LRBA: variants seen among roughly 807,000 people sequenced by gnomAD.
The protein encoded by LRBA is lipopolysaccharide-responsive and beige-like anchor protein.
A neutral mutation model predicts 330.0 loss-of-function variants in LRBA; 176 were observed. That is an observed-to-expected ratio of 0.53 (90% CI 0.47 to 0.60). The LOEUF is 0.60. LRBA is among the 20% of genes least tolerant of loss of function. LRBA has a pLI of 0.00. For missense variants in LRBA, 3,259 were observed against 3,444.8 expected (o/e 0.95, Z 1.35); for synonymous variants, 1,230 against 1,193.0 (o/e 1.03, Z -0.64).
intron 46 of LRBA, among the ~76,000 whole-genome samples, chr4:150,428,790 T>C (rs1451594843): frequency 6.6e-6 from 1 of 152,142 alleles, no homozygotes; most frequent in African/African-American, 2.4e-5. Context: ...GGCCTTCATA[T>C]TAGACTCAAC....
chr4:150,534,315 T>G lies in LRBA; in HGVS notation c.6331-43280A>C, dbSNP rs1764382727. Among the ~76,000 whole-genome samples, 3 of 147,034 alleles carry G rather than the reference T, an allele frequency of 2.0e-5. No individual in the cohort carries two copies. In the Admixed American group the frequency reaches 2.1e-4, roughly 10 times the overall value. On this transcript the variant is annotated intron_variant, in intron 40 of 56. Transcript: ENST00000651943. ...ACATATGTAACTAACCTGCACATTG[T>G]GCACATGTACCCTAAAACTTGAAGT...
intron 18 of LRBA, 64 bp downstream of exon 18, chr4:150,872,599 T>C: frequency 9.0e-7 from 1 of 1,106,820 alleles, no homozygotes; most frequent in Non-Finnish European, 1.3e-6. Context: ...AAATTACTAC[T>C]GCAAAGATTT....
intron 40 of LRBA, among the ~76,000 whole-genome samples, chr4:150,503,854 G>C (rs569081272): frequency 6.6e-6 from 1 of 152,242 alleles, no homozygotes; most frequent in East Asian, 1.9e-4. Context: ...AAAAAAATTA[G>C]ACGAATGGAT....
Position 150,583,897 on chromosome 4 carries a change from G to A in LRBA, c.6330+4151C>T, listed in dbSNP as rs776306456. ...GTGCGAGAAACACCCACGAGAAACGGACTGGGACGAGTCGTGCCTGGGCGA... is the reference window on the plus strand; with the variant it reads ...GTGCGAGAAACACCCACGAGAAACGAACTGGGACGAGTCGTGCCTGGGCGA... On this transcript the variant is annotated intron_variant, in intron 40 of 56. Coordinates refer to ENST00000651943, the MANE Select transcript of LRBA (RefSeq NM_001364905.1). The surrounding 1 kb of genome is among the most constrained non-coding windows in gnomAD (Gnocchi z 9.8). 1.2e-6 allele frequency: 2 copies of A among 1,613,370 alleles called. No homozygotes were observed. Among genetic ancestry groups the A allele is most frequent in the Non-Finnish European group, 1.7e-6 (2 of 1,179,642 alleles).
Position 150,908,573 on chromosome 4 carries a change from A to G in LRBA, c.1359+87T>C. 2.1e-6 allele frequency: 3 copies of G among 1,438,546 alleles called. No individual in the cohort carries two copies. In the South Asian group the frequency reaches 3.9e-5, roughly 19 times the overall value. 89.1% of individuals were successfully genotyped at this position (1,438,546 alleles called of 1,614,324 possible). A position where few individuals can be genotyped will look rare whatever the true frequency, so the allele number is the denominator to read the frequency against. ...AGAAACACTATAAACGTGACATTCC[A>G]TGTGTTTAACAGAAGCTACCAAATA... is the stretch of plus-strand genomic sequence containing the variant. On this transcript the variant is annotated intron_variant, in intron 10 of 56. Coordinates refer to ENST00000651943, the MANE Select transcript of LRBA (RefSeq NM_001364905.1).
intron 17 of LRBA, among the ~76,000 whole-genome samples, chr4:150,887,734 A>T (rs1323439517): frequency 7.0e-6 from 1 of 142,788 alleles, no homozygotes; most frequent in African/African-American, 2.6e-5. Context: ...GGGCCACTGC[A>T]CTCCAGTCTG....
chr4:150,345,526 C>T (rs1229253747), intron 48 of LRBA, among the ~76,000 whole-genome samples: 1 of 152,120 alleles, frequency 6.6e-6, no homozygotes, highest in Non-Finnish European at 1.5e-5. Context: ...AGGGAAAGAA[C>T]TAACACTTGC....
intron 40 of LRBA, among the ~76,000 whole-genome samples, chr4:150,502,437 C>T (rs1000867240): frequency 6.6e-6 from 1 of 152,212 alleles, no homozygotes; most frequent in African/African-American, 2.4e-5. Context: ...AAAATCACTA[C>T]AACTGGCATT....
chr4:150,796,336 A>G (rs751667517), intron 34 of LRBA, among the ~76,000 whole-genome samples: 12 of 151,856 alleles, frequency 7.9e-5, no homozygotes, highest in Non-Finnish European at 1.5e-4. Flanking sequence ...TGTAATTATC[A>G]CCCCAGAACA....
chr4:150,510,600 T>C (rs1334622707), intron 40 of LRBA, among the ~76,000 whole-genome samples: 1 of 152,172 alleles, frequency 6.6e-6, no homozygotes, highest in African/African-American at 2.4e-5. Flanking sequence ...ATCTACGCAG[T>C]TTCCTTTTGT....
At chr4:150,338,382 A>T (rs1178030108) in intron 48 of LRBA, among the ~76,000 whole-genome samples, 1 of 152,242 alleles carries the variant, frequency 6.6e-6, no homozygotes, top group Non-Finnish European at 1.5e-5. Flanking sequence ...AAAGAAGAAA[A>T]TGACACTTTT....
intron 52 of LRBA, among the ~76,000 whole-genome samples, chr4:150,309,262 T>C (rs947898518): frequency 6.6e-6 from 1 of 152,168 alleles, no homozygotes; most frequent in Admixed American, 6.6e-5. Context: ...ACTAGTATGC[T>C]GTACAGATTT....
intron 17 of LRBA, among the ~76,000 whole-genome samples, chr4:150,889,314 C>G (rs1275273253): frequency 6.6e-6 from 1 of 151,612 alleles, no homozygotes; most frequent in East Asian, 1.9e-4. Context: ...ATTGCAACCT[C>G]TGGCATAAAT....
intron 39 of LRBA, among the ~76,000 whole-genome samples, chr4:150,589,778 C>T (rs1480645668): frequency 1.3e-5 from 2 of 151,922 alleles, no homozygotes; most frequent in Non-Finnish European, 2.9e-5. Context: ...TTACTAGTAG[C>T]AAGAATAGAA....
At chr4:150,657,431 A>G (rs939719321) in intron 37 of LRBA, among the ~76,000 whole-genome samples, 1 of 152,098 alleles carries the variant, frequency 6.6e-6, no homozygotes, top group African/African-American at 2.4e-5. Context: ...TTCACAGGTA[A>G]AGAACAATAT....
chr4:150,297,760 G>GGA (rs1440163903), intron 53 of LRBA, among the ~76,000 whole-genome samples: 1 of 152,192 alleles, frequency 6.6e-6, no homozygotes, highest in Non-Finnish European at 1.5e-5. Context: ...TGATCAAGAA[G>GGA]CTAACAAGTT....
chr4:150,841,675 CAG>C (rs1247884866), intron 28 of LRBA, among the ~76,000 whole-genome samples: 1 of 151,116 alleles, frequency 6.6e-6, no homozygotes, highest in Non-Finnish European at 1.5e-5. Context: ...TTTTTTGAGA[CAG>C]AGTCTTGCTC....
chr4:150,662,952 A>G (rs142250481), intron 37 of LRBA, among the ~76,000 whole-genome samples: 52 of 152,252 alleles, frequency 3.4e-4, no homozygotes, highest in African/African-American at 1.2e-3. Context: ...GTGAGACCCT[A>G]TCTCTTAAAA....
At chr4:151,000,045 CA>C (rs1743159082) in intron 2 of LRBA, among the ~76,000 whole-genome samples, 2 of 152,098 alleles carry the variant, frequency 1.3e-5, no homozygotes. Context: ...AAGAGATTAA[CA>C]ACAATAACTA....
Sources: allele counts gnomAD v4.1 joint callset (sites outside exome capture counted in the v4.1 genomes callset), GRCh38; gene constraint gnomAD v4.1.1; non-coding constraint Gnocchi (gnomAD v3.1); transcripts MANE v1.5; gene names NCBI Gene and HGNC (gene_info 2026-07-23, HGNC 2026-07-21).